AFG2A: variants seen among roughly 807,000 people sequenced by gnomAD.
AFG2A encodes AAA ATPase AFG2A.
chr4:122,923,886 C>T, the AFG2A span, among the ~76,000 whole-genome samples: 1 of 152,182 alleles, frequency 6.6e-6, no homozygotes, highest in African/African-American at 2.4e-5. Flanking sequence ...TCAGGCTACA[C>T]AGGTGCTAAG....
the AFG2A span, among the ~76,000 whole-genome samples, chr4:122,964,230 A>G: frequency 6.6e-6 from 1 of 152,166 alleles, no homozygotes; most frequent in Admixed American, 6.6e-5. Context: ...GCGGCTGGGC[A>G]TAGTGGCTCA....
At chr4:123,021,217 T>TA in the AFG2A span, among the ~76,000 whole-genome samples, 3,271 of 151,754 alleles carry the variant, frequency 0.022, 62 homozygotes, top group Non-Finnish European at 0.036. Context: ...AAGCTTTTTT[T>TA]AAAAAAAAAT....
chr4:123,182,255 A>C, the AFG2A span, among the ~76,000 whole-genome samples: 1 of 152,256 alleles, frequency 6.6e-6, no homozygotes, highest in African/African-American at 2.4e-5. Context: ...TTATGGAGAA[A>C]AAATTTTAAT....
chr4:123,116,322 G>T, the AFG2A span, among the ~76,000 whole-genome samples: 1 of 152,158 alleles, frequency 6.6e-6, no homozygotes, highest in Admixed American at 6.5e-5. Flanking sequence ...ATTGGAACCA[G>T]CTTTTACCTC....
At chr4:123,090,372 A>G in the AFG2A span, among the ~76,000 whole-genome samples, 6 of 152,222 alleles carry the variant, frequency 3.9e-5, no homozygotes, top group Non-Finnish European at 7.3e-5. Context: ...GAAAATGAAC[A>G]TGGTTGATGA....
chr4:123,182,843 G>A, the AFG2A span, among the ~76,000 whole-genome samples: 73 of 152,302 alleles, frequency 4.8e-4, no homozygotes, highest in Middle Eastern at 3.4e-3. Flanking sequence ...TTGGCTAGTG[G>A]TAGCTCATCT....
chr4:122,997,454 G>T, the AFG2A span, among the ~76,000 whole-genome samples: 1 of 152,122 alleles, frequency 6.6e-6, no homozygotes. Flanking sequence ...CATGCATGTT[G>T]CAGCATGTAT....
the AFG2A span, among the ~76,000 whole-genome samples, chr4:122,939,512 T>C: frequency 6.6e-6 from 1 of 152,202 alleles, no homozygotes; most frequent in African/African-American, 2.4e-5. Flanking sequence ...AAAATACACT[T>C]TTCATGCTGG....
the AFG2A span, among the ~76,000 whole-genome samples, chr4:122,952,849 A>G: frequency 6.1e-3 from 933 of 152,292 alleles, 21 homozygotes; most frequent in Admixed American, 0.032. Context: ...AATCAGTAAC[A>G]GAGTGGTAGT....
chr4:123,204,752 T>C, the AFG2A span, among the ~76,000 whole-genome samples: 2 of 152,372 alleles, frequency 1.3e-5, no homozygotes, highest in Admixed American at 6.5e-5. Flanking sequence ...TATGAGACAG[T>C]AGTCATTACT....
the AFG2A span, among the ~76,000 whole-genome samples, chr4:123,021,534 A>C: frequency 3.9e-5 from 6 of 152,198 alleles, no homozygotes; most frequent in African/African-American, 1.4e-4. Context: ...ATAGACTATA[A>C]GAATCACTTG....
chr4:123,065,107 A>G, the AFG2A span, among the ~76,000 whole-genome samples: 8 of 152,194 alleles, frequency 5.3e-5, no homozygotes, highest in Non-Finnish European at 1.2e-4. Context: ...CACATAGCCC[A>G]GGATTCCAGG....
chr4:123,123,393 C>T, the AFG2A span, among the ~76,000 whole-genome samples: 1 of 152,176 alleles, frequency 6.6e-6, no homozygotes, highest in Admixed American at 6.5e-5. Context: ...GCACTTTAAT[C>T]TTTTAACTTT....
chr4:123,110,470 C>T, the AFG2A span, among the ~76,000 whole-genome samples: 1 of 151,978 alleles, frequency 6.6e-6, no homozygotes, highest in East Asian at 1.9e-4. Context: ...GTAATCCAAG[C>T]AAAACTATCA....
the AFG2A span, among the ~76,000 whole-genome samples, chr4:123,126,009 C>T: frequency 7.2e-5 from 11 of 152,162 alleles, no homozygotes; most frequent in Non-Finnish European, 1.3e-4. Context: ...AAGGAACATA[C>T]AGGGACTCCT....
At chr4:122,970,097 G>A in the AFG2A span, among the ~76,000 whole-genome samples, 3 of 152,118 alleles carry the variant, frequency 2.0e-5, no homozygotes, top group Non-Finnish European at 2.9e-5. Flanking sequence ...AATGTCCTGG[G>A]CCTTCACATT....
chr4:123,244,728 A>G, the AFG2A span, among the ~76,000 whole-genome samples: 1 of 152,216 alleles, frequency 6.6e-6, no homozygotes, highest in African/African-American at 2.4e-5. Context: ...GTAATGAGTT[A>G]AAAACCTTAG....
the AFG2A span, among the ~76,000 whole-genome samples, chr4:123,069,018 A>G: frequency 6.6e-6 from 1 of 152,224 alleles, no homozygotes; most frequent in Non-Finnish European, 1.5e-5. Context: ...TGCTAAAAAC[A>G]TTTAATGGTT....
At chr4:123,090,158 A>G in the AFG2A span, among the ~76,000 whole-genome samples, 2 of 152,290 alleles carry the variant, frequency 1.3e-5, no homozygotes, top group Admixed American at 6.5e-5. Flanking sequence ...TTTATTTCAC[A>G]TAGACTTTAG....
Sources: allele counts gnomAD v4.1 joint callset (sites outside exome capture counted in the v4.1 genomes callset), GRCh38; gene constraint gnomAD v4.1.1; transcripts MANE v1.5; gene names NCBI Gene and HGNC (gene_info 2026-07-23, HGNC 2026-07-21).